Variants in SGCZ observed in about 807,000 individuals in gnomAD.
SGCZ encodes zeta-sarcoglycan.
A neutral mutation model predicts 41.3 loss-of-function variants in SGCZ; 40 were observed. That is an observed-to-expected ratio of 0.97 (90% confidence interval 0.75 to 1.26). The LOEUF (loss-of-function observed/expected upper bound fraction) is 1.26, where lower values mean the gene tolerates loss of function less well. Among genes scored for constraint, SGCZ ranks in the 50% most tolerant of loss-of-function variants. SGCZ has a pLI of 0.00. For synonymous variants in SGCZ, 206 were observed against 137.5 expected, an observed-to-expected ratio of 1.50 and a Z score of -3.49; for missense variants, 552 against 369.8, an observed-to-expected ratio of 1.49 and a Z score of -4.04.
chr8:15,073,961 T>C (rs1367645525), intron 1 of SGCZ, among the ~76,000 whole-genome samples: 2 of 152,186 alleles, frequency 1.3e-5, no homozygotes, highest in East Asian at 3.9e-4. Flanking sequence ...TGGGAAGAAT[T>C]TAGTTTCTAG....
At chr8:15,066,484 C>G (rs1219293593) in intron 1 of SGCZ, among the ~76,000 whole-genome samples, 1 of 151,822 alleles carries the variant, frequency 6.6e-6, no homozygotes, top group South Asian at 2.1e-4. Flanking sequence ...CTTCAAAAAG[C>G]TTTATATTTA....
chr8:14,735,729 C>A (rs1799008477), intron 1 of SGCZ, among the ~76,000 whole-genome samples: 1 of 152,066 alleles, frequency 6.6e-6, no homozygotes, highest in African/African-American at 2.4e-5. Flanking sequence ...TTACTTCCTC[C>A]CTCTGGAGAA....
intron 2 of SGCZ, among the ~76,000 whole-genome samples, chr8:14,457,424 C>T (rs566616183): frequency 6.6e-6 from 1 of 152,172 alleles, no homozygotes; most frequent in African/African-American, 2.4e-5. Flanking sequence ...CTTAGCAGAC[C>T]GGGAAAAGAG....
rs1371544514 is a variant in SGCZ at position 15,237,764 on chromosome 8, GC to G, written c.-142del. ...TCTCAGTCTCATTCTCCGTGGTCACGCCGCCTCCACCGGGTTAAAAATAAGG... is the reference window on the plus strand; with the variant it reads ...TCTCAGTCTCATTCTCCGTGGTCACGCGCCTCCACCGGGTTAAAAATAAGG... On this transcript the variant is annotated 5_prime_UTR_variant, in exon 1 of 8. Transcript: ENST00000382080. 7.0e-6 allele frequency: 5 copies of G among 712,860 alleles called. No homozygotes were observed. 44.2% of individuals were successfully genotyped at this position (712,860 alleles called of 1,614,324 possible). A position where few individuals can be genotyped will look rare whatever the true frequency, so the allele number is the denominator to read the frequency against.
At chr8:14,667,348 T>C (rs1807942860) in intron 1 of SGCZ, among the ~76,000 whole-genome samples, 1 of 152,118 alleles carries the variant, frequency 6.6e-6, no homozygotes, top group South Asian at 2.1e-4. Flanking sequence ...GGGTTTTTCA[T>C]AACACACTTT....
At chr8:14,928,554 C>A (rs1428685593) in intron 1 of SGCZ, among the ~76,000 whole-genome samples, 1 of 152,080 alleles carries the variant, frequency 6.6e-6, no homozygotes, top group Non-Finnish European at 1.5e-5. Context: ...TAGCTTTAAA[C>A]GTGGTGCTAA....
In SGCZ at chr8:15,192,172, T is replaced by C. The variant is rs946955055; in HGVS notation, c.39+45413A>G. Reference sequence around the variant, plus strand: ...GGCTTTTGTGCTATTTCTTTATTCATGTAAAATTTTGTTCCTGAATCCCCC... The same window carrying C: ...GGCTTTTGTGCTATTTCTTTATTCACGTAAAATTTTGTTCCTGAATCCCCC... On this transcript the variant is annotated intron_variant, in intron 1 of 7. Transcript: ENST00000382080. Among the ~76,000 whole-genome samples the C allele has an allele frequency of 2.6e-5, 4 of 152,104 alleles. 1 individual carries two copies. The highest frequency in any genetic ancestry group is 4.8e-5 in the African/African-American group (2 of 41,364).
intron 3 of SGCZ, among the ~76,000 whole-genome samples, chr8:14,252,535 T>C (rs1799322374): frequency 6.6e-6 from 1 of 152,114 alleles, no homozygotes; most frequent in Non-Finnish European, 1.5e-5. Flanking sequence ...GCCTTTTTGA[T>C]TGTTTGTTTA....
intron 1 of SGCZ, among the ~76,000 whole-genome samples, chr8:15,225,149 A>T (rs1437496295): frequency 2.6e-5 from 4 of 152,208 alleles, no homozygotes; most frequent in African/African-American, 9.6e-5. Flanking sequence ...CTTTTCAAGG[A>T]AACTCAGAAT....
At chr8:14,310,938 G>C (rs568279177) in intron 3 of SGCZ, among the ~76,000 whole-genome samples, 2 of 152,204 alleles carry the variant, frequency 1.3e-5, no homozygotes, top group South Asian at 4.2e-4. Flanking sequence ...ATCCATGTCT[G>C]TGTACCCCGT....
chr8:14,852,522 G>C (rs1203488364), intron 1 of SGCZ, among the ~76,000 whole-genome samples: 1 of 152,144 alleles, frequency 6.6e-6, no homozygotes, highest in Non-Finnish European at 1.5e-5. Context: ...TTGCCATCGA[G>C]TACACACCAG....
chr8:14,581,179 C>A (rs150906565), intron 1 of SGCZ, among the ~76,000 whole-genome samples: 1,928 of 152,202 alleles, frequency 0.013, 17 homozygotes, highest in Non-Finnish European at 0.019. Context: ...GCGATCTCGG[C>A]TCACTTGCAA....
chr8:14,977,045 T>C (rs1801501290), intron 1 of SGCZ, among the ~76,000 whole-genome samples: 2 of 152,234 alleles, frequency 1.3e-5, no homozygotes. Flanking sequence ...AACACCAATG[T>C]CTTTGCCCAC....
chr8:14,531,599 G>C (rs1165471121), intron 2 of SGCZ, among the ~76,000 whole-genome samples: 1 of 151,968 alleles, frequency 6.6e-6, no homozygotes, highest in African/African-American at 2.4e-5. Flanking sequence ...AAATAACCCT[G>C]AGAATTTATG....
At chr8:15,208,341 C>A (rs2117152547) in intron 1 of SGCZ, among the ~76,000 whole-genome samples, 1 of 152,274 alleles carries the variant, frequency 6.6e-6, no homozygotes, top group Non-Finnish European at 1.5e-5. Flanking sequence ...TAAGACATAA[C>A]ATCTGACTAA....
intron 1 of SGCZ, among the ~76,000 whole-genome samples, chr8:14,998,266 TA>T (rs1802289666): frequency 1.3e-5 from 2 of 152,304 alleles, no homozygotes; most frequent in South Asian, 4.1e-4. Flanking sequence ...GTTAAGAATA[TA>T]ACAGGCCTGT....
intron 2 of SGCZ, among the ~76,000 whole-genome samples, chr8:14,412,408 A>T (rs1373872294): frequency 1.3e-5 from 2 of 152,140 alleles, no homozygotes; most frequent in Non-Finnish European, 2.9e-5. Flanking sequence ...GTATGCGTAC[A>T]TTTGAATGTC....
At chr8:14,632,542 T>C (rs570175160) in intron 1 of SGCZ, among the ~76,000 whole-genome samples, 6 of 152,200 alleles carry the variant, frequency 3.9e-5, no homozygotes, top group South Asian at 2.1e-4. Context: ...TATCCCTACA[T>C]TGATAGATAG....
At chr8:14,095,094 T>G (rs541355822) in intron 7 of SGCZ, among the ~76,000 whole-genome samples, 2 of 152,182 alleles carry the variant, frequency 1.3e-5, no homozygotes, top group Non-Finnish European at 1.5e-5. Flanking sequence ...ACTCTGATGA[T>G]AGTTTCTTTT....
Sources: allele counts gnomAD v4.1 joint callset (sites outside exome capture counted in the v4.1 genomes callset), GRCh38; gene constraint gnomAD v4.1.1; transcripts MANE v1.5; gene names NCBI Gene and HGNC (gene_info 2026-07-23, HGNC 2026-07-21).